VPS53: variants seen among roughly 807,000 people sequenced by gnomAD.
VPS53 encodes VPS53 subunit of GARP complex.
In VPS53, 70 loss-of-function variants were observed where a neutral mutation model predicts 107.0. The ratio of observed to expected loss-of-function variants is 0.65; its 90% confidence interval spans 0.54 to 0.80. VPS53 has a LOEUF of 0.80. Among genes scored for constraint, VPS53 ranks in the 30% least tolerant of loss-of-function variants. VPS53 has a pLI of 0.00. For synonymous variants in VPS53, 409 were observed against 393.3 expected (o/e 1.04, Z -0.47); for missense variants, 917 against 1,049.4 (o/e 0.87, Z 1.74).
chr17:599,252 A>G (rs1360633566), intron 12 of VPS53, among the ~76,000 whole-genome samples: 9 of 151,892 alleles, frequency 5.9e-5, no homozygotes, highest in Non-Finnish European at 1.0e-4. Flanking sequence ...TGGGAGGTGT[A>G]CCCAACAGCT....
At chr17:599,704 C>T (rs965674382) in intron 12 of VPS53, among the ~76,000 whole-genome samples, 3 of 150,152 alleles carry the variant, frequency 2.0e-5, no homozygotes, top group Admixed American at 6.7e-5. Flanking sequence ...TGTCCTATGA[C>T]CCTGCCAAAT....
chr17:592,358 T>C (rs1967709892), intron 12 of VPS53, among the ~76,000 whole-genome samples: 2 of 152,228 alleles, frequency 1.3e-5, no homozygotes, highest in South Asian at 4.1e-4. Flanking sequence ...TGCCAGTCTG[T>C]GTCTTTTAAT....
intron 4 of VPS53, among the ~76,000 whole-genome samples, chr17:688,739 T>C (rs1972678018): frequency 6.6e-6 from 1 of 152,134 alleles, no homozygotes; most frequent in African/African-American, 2.4e-5. Flanking sequence ...ACCTCTGCAC[T>C]AGACGTAAGA....
chr17:702,392 G>A (rs545481590), intron 2 of VPS53, among the ~76,000 whole-genome samples: 32 of 152,180 alleles, frequency 2.1e-4, no homozygotes, highest in African/African-American at 5.1e-4. Context: ...TAGGCTGGGC[G>A]CGGTGGCTCA....
intron 2 of VPS53, among the ~76,000 whole-genome samples, chr17:706,279 C>A (rs550786891): frequency 1.6e-4 from 24 of 152,218 alleles, no homozygotes; most frequent in African/African-American, 5.1e-4. Flanking sequence ...TGGCTCACGC[C>A]TGTAATCCCA....
chr17:643,546 CCGAGGACAACACTCATACTTGGA>C (rs1567701783), intron 7 of VPS53, among the ~76,000 whole-genome samples: 19 of 44,820 alleles, frequency 4.2e-4, no homozygotes, highest in South Asian at 6.5e-4. Flanking sequence ...TACTTGGAAA[CCGAGGACAACACTCATACTTGGA>C]AACCGAGGAC....
In VPS53 at chr17:517,168, G is replaced by A. The variant is rs1199846998; in HGVS notation, c.*1960C>T. 3 of 309,880 alleles carry A rather than the reference G, an allele frequency of 9.7e-6. No individual in the cohort carries two copies. Among genetic ancestry groups the A allele is most frequent in the African/African-American group, 2.1e-5 (1 of 46,552 alleles). 19.2% of individuals were successfully genotyped at this position (309,880 alleles called of 1,614,324 possible). A position where few individuals can be genotyped will look rare whatever the true frequency, so the allele number is the denominator to read the frequency against. On this transcript the variant is annotated 3_prime_UTR_variant, in exon 22 of 22. Transcript: ENST00000437048. Reference sequence around the variant, plus strand: ...CTTCCTGGGGGCTCTCCCGACTGCCGCCCCCCGCCCTTGTCTTATTTGGAA... The same window carrying A: ...CTTCCTGGGGGCTCTCCCGACTGCCACCCCCCGCCCTTGTCTTATTTGGAA...
chr17:668,460 C>T (rs1971792400), intron 4 of VPS53, among the ~76,000 whole-genome samples: 1 of 152,214 alleles, frequency 6.6e-6, no homozygotes, highest in Non-Finnish European at 1.5e-5. Flanking sequence ...TTCAAAATCA[C>T]AGCTTCATGC....
At chr17:632,115 G>A (rs1969991261) in intron 7 of VPS53, among the ~76,000 whole-genome samples, 2 of 152,108 alleles carry the variant, frequency 1.3e-5, no homozygotes, top group South Asian at 4.1e-4. Flanking sequence ...AAAGTACCCA[G>A]GTGCGGGGGC....
At chr17:580,061 C>T (rs1966911006) in intron 13 of VPS53, among the ~76,000 whole-genome samples, 1 of 151,740 alleles carries the variant, frequency 6.6e-6, no homozygotes, top group Non-Finnish European at 1.5e-5. Context: ...AGAAAACCTC[C>T]CTCAGGACCT....
intron 10 of VPS53, among the ~76,000 whole-genome samples, chr17:624,625 A>G (rs906047814): frequency 5.9e-5 from 9 of 152,240 alleles, no homozygotes; most frequent in Non-Finnish European, 1.2e-4. Flanking sequence ...GCTTGGCAGC[A>G]ACACTGCCAT....
In VPS53 at chr17:509,300, GACCCCTCACTAGGTACATATC is replaced by G; in HGVS notation, c.*9807_*9827del. 1 of 138,452 alleles carries G rather than the reference GACCCCTCACTAGGTACATATC, an allele frequency of 7.2e-6. No individual in the cohort carries two copies. The allele number at this position is 138,452 out of a possible 1,614,324, so 8.6% of individuals were successfully genotyped here. A position where few individuals can be genotyped will look rare whatever the true frequency, so the allele number is the denominator to read the frequency against. On this transcript the variant is annotated 3_prime_UTR_variant, in exon 22 of 22. Transcript: ENST00000437048. ...ACTAGCCACATATCAAATCCTGGCT[GACCCCTCACTAGGTACATATC>G]GAATCCTGGCTCACCCCTCACTAGT...
chr17:523,208 G>C (rs765526824), intron 19 of VPS53: 392 of 153,046 alleles, frequency 2.6e-3, no homozygotes, highest in Admixed American at 8.2e-3. Context: ...CAACCAGGGA[G>C]CAGAGAAATG....
At chr17:536,877 T>G in intron 18 of VPS53, 151 bp downstream of exon 18, 1 of 934,870 alleles carries the variant, frequency 1.1e-6, no homozygotes, top group Non-Finnish European at 1.6e-6. Flanking sequence ...GAGGTGTCGG[T>G]AATGGGAAGA....
At chr17:568,179 C>A (rs921325656) in intron 13 of VPS53, among the ~76,000 whole-genome samples, 1 of 152,104 alleles carries the variant, frequency 6.6e-6, no homozygotes, top group African/African-American at 2.4e-5. Flanking sequence ...AAGACAGTAG[C>A]CAGAAGATGG....
chr17:708,703 T>A (rs1006714884), intron 2 of VPS53, among the ~76,000 whole-genome samples: 1 of 152,124 alleles, frequency 6.6e-6, no homozygotes, highest in Non-Finnish European at 1.5e-5. Flanking sequence ...AAGACCAAGG[T>A]GCCTTCAAGC....
At chr17:692,383 C>T (rs924722702) in intron 4 of VPS53, among the ~76,000 whole-genome samples, 5 of 152,118 alleles carry the variant, frequency 3.3e-5, no homozygotes, top group African/African-American at 7.2e-5. Context: ...GGGAGGATTC[C>T]GTGCCATATA....
At chr17:662,751 G>GAA (rs756253727) in intron 4 of VPS53, among the ~76,000 whole-genome samples, 3 of 79,908 alleles carry the variant, frequency 3.8e-5, no homozygotes, top group Admixed American at 1.6e-4. Flanking sequence ...GACAAAGAAA[G>GAA]AGAAAGAAAG....
At chr17:662,496 T>C (rs968670684) in intron 4 of VPS53, among the ~76,000 whole-genome samples, 3 of 152,078 alleles carry the variant, frequency 2.0e-5, no homozygotes, top group African/African-American at 4.8e-5. Flanking sequence ...AAGACCATCC[T>C]GGCTAACACG....
Sources: allele counts gnomAD v4.1 joint callset (sites outside exome capture counted in the v4.1 genomes callset), GRCh38; gene constraint gnomAD v4.1.1; transcripts MANE v1.5; gene names NCBI Gene and HGNC (gene_info 2026-07-23, HGNC 2026-07-21).